The following GDPD4 variants were observed in gnomAD, a reference collection of about 807,000 sequenced individuals.
GDPD4 encodes the protein glycerophosphodiester phosphodiesterase domain containing 4.
A neutral mutation model predicts 67.8 loss-of-function variants in GDPD4; 60 were observed. The ratio of observed to expected loss-of-function variants is 0.88; its 90% CI spans 0.72 to 1.10. The LOEUF is 1.10. Among genes scored for constraint, GDPD4 ranks in the 50% least tolerant of loss-of-function variants. The pLI is 0.00. For missense variants in GDPD4, 623 were observed against 613.9 expected (o/e 1.01, Z -0.16); for synonymous variants, 212 against 210.9 (o/e 1.00, Z -0.04).
intron 13 of GDPD4, among the ~76,000 whole-genome samples, chr11:77,237,599 C>A (rs911290576): frequency 1.6e-4 from 25 of 152,276 alleles, no homozygotes; most frequent in African/African-American, 5.8e-4. Flanking sequence ...GTTGAAAGTA[C>A]ACAGGTTTGT....
intron 13 of GDPD4, 134 bp from the exon 14 acceptor site, chr11:77,233,306 G>T: frequency 1.3e-6 from 1 of 743,724 alleles, no homozygotes; most frequent in Non-Finnish European, 2.3e-6. Flanking sequence ...GACAATTCAT[G>T]ATACGATGTG....
chr11:77,227,745 C>CCCCCCCCAAATTACACA, intron 16 of GDPD4, 119 bp downstream of exon 16: 1 of 678,548 alleles, frequency 1.5e-6, no homozygotes, highest in Admixed American at 2.0e-5. Context: ...TCCCCCAACC[C>CCCCCCCCAAATTACACA]CACCCCCAAC....
intron 16 of GDPD4, among the ~76,000 whole-genome samples, chr11:77,221,886 T>C (rs1029397152): frequency 2.0e-5 from 3 of 151,188 alleles, no homozygotes; most frequent in South Asian, 2.1e-4. Context: ...TGTAGGTCAC[T>C]AAGGACTTGC....
intron 8 of GDPD4, 131 bp from the exon 9 acceptor site, chr11:77,269,200 T>C (rs1959194116): frequency 1.4e-6 from 1 of 720,666 alleles, no homozygotes; most frequent in African/African-American, 1.8e-5. Context: ...CTGGCTAATT[T>C]ACTTTCTATT....
rs768802419 is a variant in GDPD4, at chr11:77,258,545, G to A, written c.708-3C>T. 3.7e-6 allele frequency: 6 copies of A among 1,613,712 alleles called. No homozygotes were observed. The Admixed American group carries it at 1.0e-4, about 27-fold the overall frequency. ...TGAGGAAAGGCACATGATCATAACTGAGGCAGAGGTAGAAAAGAAGGGCAG... is the reference window on the plus strand; with the variant it reads ...TGAGGAAAGGCACATGATCATAACTAAGGCAGAGGTAGAAAAGAAGGGCAG... On this transcript the variant is annotated splice_region_variant and splice_polypyrimidine_tract_variant and intron_variant, in intron 10 of 16. Transcript: ENST00000315938.
At chr11:77,226,722 A>G (rs1018557921) in intron 16 of GDPD4, among the ~76,000 whole-genome samples, 3 of 152,240 alleles carry the variant, frequency 2.0e-5, no homozygotes, top group Admixed American at 6.5e-5. Context: ...CGTAGCCAGT[A>G]GAGTGATCTT....
intron 11 of GDPD4, among the ~76,000 whole-genome samples, chr11:77,247,942 C>A (rs1429071696): frequency 6.7e-6 from 1 of 148,970 alleles, no homozygotes; most frequent in Non-Finnish European, 1.5e-5. Flanking sequence ...ATCCCAGCTA[C>A]TTGGGAGGCT....
chr11:77,262,388 T>C (rs538475019), intron 10 of GDPD4, among the ~76,000 whole-genome samples: 1 of 152,328 alleles, frequency 6.6e-6, no homozygotes, highest in South Asian at 2.1e-4. Flanking sequence ...AAGGGGGTAC[T>C]GAAGCCATCC....
intron 1 of GDPD4, among the ~76,000 whole-genome samples, chr11:77,296,034 G>C (rs1478455225): frequency 6.6e-6 from 1 of 151,842 alleles, no homozygotes; most frequent in Non-Finnish European, 1.5e-5. Context: ...GGCAGATCAC[G>C]AGGCCAGGAG....
rs1591557486 is a variant in GDPD4 at position 77,263,330 on chromosome 11, T to G, written c.708-4788A>C. On this transcript the variant is annotated intron_variant, in intron 10 of 16. Transcript: ENST00000315938. ...GCACCAGGTCATACTATGAGAGAGATGAAATGTTAGTGTACTGATAAAAGA... is the reference window on the plus strand; with the variant it reads ...GCACCAGGTCATACTATGAGAGAGAGGAAATGTTAGTGTACTGATAAAAGA... 2.6e-5 allele frequency among the ~76,000 whole-genome samples: 4 copies of G among 152,024 alleles called. No individual in the cohort carries two copies. In the South Asian group the frequency reaches 8.3e-4, roughly 32 times the overall value.
At chr11:77,254,540 C>A (rs1958965661) in intron 11 of GDPD4, among the ~76,000 whole-genome samples, 1 of 152,132 alleles carries the variant, frequency 6.6e-6, no homozygotes, top group African/African-American at 2.4e-5. Context: ...GTCATTTCTC[C>A]TTTGAGTGGG....
chr11:77,218,163 C>G (rs191996657), intron 16 of GDPD4, among the ~76,000 whole-genome samples: 1 of 151,044 alleles, frequency 6.6e-6, no homozygotes, highest in African/African-American at 2.4e-5. Context: ...ATTTTTAGAT[C>G]AATTCCATGA....
At chr11:77,263,971 G>A (rs1959165362) in intron 10 of GDPD4, among the ~76,000 whole-genome samples, 2 of 152,276 alleles carry the variant, frequency 1.3e-5, no homozygotes, top group Non-Finnish European at 1.5e-5. Flanking sequence ...GACTTCCAGT[G>A]ACTGTTGGCA....
chr11:77,263,453 G>A (rs1443488270), intron 10 of GDPD4, among the ~76,000 whole-genome samples: 1 of 151,894 alleles, frequency 6.6e-6, no homozygotes, highest in Non-Finnish European at 1.5e-5. Flanking sequence ...AAAGAAAAGA[G>A]GTATAGCTAA....
Position 77,271,367 on chromosome 11 carries a change from C to T in GDPD4, c.234G>A (p.Leu78=). Residue 78 remains leucine, a synonymous_variant, in exon 6 of 17, where the codon CTG becomes CTA. Transcript: ENST00000315938. ...ATATAATGAACATTAAAATGACACACAGAAGAATCACTAGCAGAATCAGGA... is the reference window on the plus strand; with the variant it reads ...ATATAATGAACATTAAAATGACACATAGAAGAATCACTAGCAGAATCAGGA... ...HKILILLVIL[L]CVILMFIICK... is the part of the protein sequence containing the mutation. 1 of 1,613,168 alleles carries T rather than the reference C, an allele frequency of 6.2e-7. No individual in the cohort carries two copies. The highest frequency in any genetic ancestry group is 8.5e-7 in the Non-Finnish European group (1 of 1,179,226).
In GDPD4 at chr11:77,267,893, C is replaced by T. The variant is rs150744142; in HGVS notation, c.707+564G>A. Among the ~76,000 whole-genome samples, 3 of 152,140 alleles carry T rather than the reference C, an allele frequency of 2.0e-5. No individual in the cohort carries two copies. In the East Asian group the frequency reaches 5.8e-4, roughly 29 times the overall value. ...CCTTCGAGGCTCAACCCAAACACAA[C>T]TTTGAGCACACAAATTTTTTTTCTT... On this transcript the variant is annotated intron_variant, in intron 10 of 16. Coordinates refer to ENST00000315938, the MANE Select transcript of GDPD4 (RefSeq NM_182833.3).
At chr11:77,236,352 G>A (rs1375938403) in intron 13 of GDPD4, among the ~76,000 whole-genome samples, 1 of 151,930 alleles carries the variant, frequency 6.6e-6, no homozygotes, top group African/African-American at 2.4e-5. Context: ...CCCCACAACA[G>A]GCCCTGGTGT....
intron 5 of GDPD4, among the ~76,000 whole-genome samples, chr11:77,271,700 T>C (rs1400570810): frequency 6.6e-6 from 1 of 152,242 alleles, no homozygotes; most frequent in Non-Finnish European, 1.5e-5. Flanking sequence ...TTGCTTGGTA[T>C]CTCTTACTCA....
chr11:77,279,081 G>A (rs1226914781), intron 4 of GDPD4, among the ~76,000 whole-genome samples: 1 of 152,196 alleles, frequency 6.6e-6, no homozygotes, highest in East Asian at 1.9e-4. Context: ...GGGCCAAACT[G>A]GCAAGACACA....
Sources: allele counts gnomAD v4.1 joint callset (sites outside exome capture counted in the v4.1 genomes callset), GRCh38; gene constraint gnomAD v4.1.1; transcripts MANE v1.5; gene names NCBI Gene and HGNC (gene_info 2026-07-23, HGNC 2026-07-21).